The following COL8A2 variants were observed in gnomAD, a reference collection of about 807,000 sequenced individuals.
COL8A2 encodes the protein collagen type VIII alpha 2 chain, also known as collagen alpha-2(VIII) chain.
Under a neutral mutation model 24.0 loss-of-function variants are expected in COL8A2, and 16 were observed. The observed-to-expected ratio is 0.67, with a 90% confidence interval of 0.45 to 1.01. COL8A2 has a LOEUF of 1.01. Among genes scored for constraint, COL8A2 ranks in the 50% least tolerant of loss-of-function variants. The pLI is 0.00. For missense variants in COL8A2, 818 were observed against 942.4 expected (o/e 0.87, Z 1.73); for synonymous variants, 466 against 424.5 (o/e 1.10, Z -1.20).
intron 1 of COL8A2, among the ~76,000 whole-genome samples, chr1:36,116,520 G>T (rs1643880501): frequency 1.3e-5 from 2 of 152,236 alleles, no homozygotes; most frequent in Non-Finnish European, 2.9e-5. Context: ...CCCATACCCT[G>T]CCCTGCCTTG....
rs1025147245 is a variant in COL8A2, at chr1:36,095,411, G to A, written c.*2158C>T. 6.6e-5 allele frequency: 10 copies of A among 152,036 alleles called. No homozygotes were observed. Among genetic ancestry groups the A allele is most frequent in the African/African-American group, 2.4e-4 (10 of 41,378 alleles). The allele number at this position is 152,036 out of a possible 1,614,324, so 9.4% of individuals were successfully genotyped here. ...GAGCTAAGCTTCCTATACCAAGTTAGAAGTGAAATGACTAGTGGAAAACAT... is the reference window on the plus strand; with the variant it reads ...GAGCTAAGCTTCCTATACCAAGTTAAAAGTGAAATGACTAGTGGAAAACAT... On this transcript the variant is annotated 3_prime_UTR_variant, in exon 4 of 4. Transcript: ENST00000397799.
chr1:36,098,952 C>A lies in COL8A2; in HGVS notation c.729G>T (p.Gly243=). ...PAGLGKPGLD[G]LPGAPGDKGE... ...CCTTGTCTCCTGGGGCCCCAGGAAG[C>A]CCATCCAAACCAGGTTTGCCTAAGC... Residue 243 remains glycine, a synonymous_variant, in exon 4 of 4, where the codon GGG becomes GGT. Transcript: ENST00000397799. 1 of 1,609,868 alleles carries A rather than the reference C, an allele frequency of 6.2e-7. No homozygotes were observed.
chr1:36,102,679 T>TTG (rs1643696754), intron 2 of COL8A2, among the ~76,000 whole-genome samples: 1 of 138,546 alleles, frequency 7.2e-6, no homozygotes, highest in African/African-American at 2.7e-5. Context: ...TTGTTTTTTT[T>TTG]TTTTTTTTTT....
rs749662705 is a variant in COL8A2, at chr1:36,098,605, G to A, written c.1076C>T (p.Pro359Leu). 6.2e-7 allele frequency: 1 copy of A among 1,611,104 alleles called. No individual in the cohort carries two copies. Among genetic ancestry groups the A allele is most frequent in the Admixed American group, 1.7e-5 (1 of 59,938 alleles). Residue 359 changes from proline to leucine, a missense_variant, in exon 4 of 4, where the codon CCC becomes CTC. Physicochemically the swap from Pro to Leu is moderately conservative, Grantham distance 98 (BLOSUM62 -3). Transcript: ENST00000397799. ...CCCTGCAGACCCAGGAAGTCCAGGG[G>A]GACCCCCAAGACCCTGTGGGCCCTG... ...GEQGPQGLGG[P>L]PGLPGSAGLP...
rs201487516 is a variant in COL8A2, at chr1:36,102,664, G to GTTTTTTTTTTTT, written c.-16-2407_-16-2406insAAAAAAAAAAAA. 3.2e-5 allele frequency among the ~76,000 whole-genome samples: 3 copies of GTTTTTTTTTTTT among 94,788 alleles called. 1 individual carries two copies. Among genetic ancestry groups the GTTTTTTTTTTTT allele is most frequent in the Non-Finnish European group, 5.9e-5 (3 of 50,706 alleles). The allele number at this position is 94,788 out of a possible 152,430, so 62.2% of individuals were successfully genotyped here. A position where few individuals can be genotyped will look rare whatever the true frequency, so the allele number is the denominator to read the frequency against. ...TGTGTGAATTATATCTATAAAGCTG[G>GTTTTTTTTTTTT]TTTTTTGTTTTTTTTTTTTTTTTTT... On this transcript the variant is annotated intron_variant, in intron 2 of 3. Coordinates refer to ENST00000397799, the MANE Select transcript of COL8A2 (RefSeq NM_005202.4).
intron 3 of COL8A2, among the ~76,000 whole-genome samples, 167 bp downstream of exon 3, chr1:36,099,883 C>T (rs1643648390): frequency 6.6e-6 from 1 of 152,222 alleles, no homozygotes; most frequent in Non-Finnish European, 1.5e-5. Flanking sequence ...CAGCTAACTG[C>T]ACCGTTTCCA....
rs143885948 is a variant in COL8A2, at chr1:36,106,131, C to T, written c.-16-5873G>A. ...ACTAAAAATACAAAAATAAGCCAGG[C>T]ATGGTGGCTGTGATTCCAGCTACTC... is the stretch of plus-strand genomic sequence containing the variant. On this transcript the variant is annotated intron_variant, in intron 2 of 3. Transcript: ENST00000397799. Among the ~76,000 whole-genome samples the T allele has an allele frequency of 5.6e-3, 844 of 151,878 alleles. 5 individuals carry two copies. The highest frequency in any genetic ancestry group is 0.019 in the African/African-American group (797 of 41,406).
In COL8A2 at chr1:36,125,079, C is replaced by A. The variant is rs950367821; in HGVS notation, c.-84G>T. The A allele has an allele frequency of 1.7e-5, 17 of 980,116 alleles. No homozygotes were observed. The Middle Eastern group carries it at 1.6e-3, about 91-fold the overall frequency. 60.7% of individuals were successfully genotyped at this position (980,116 alleles called of 1,614,324 possible). A position where few individuals can be genotyped will look rare whatever the true frequency, so the allele number is the denominator to read the frequency against. The stretch of plus-strand genomic sequence containing the variant: ...TACCTGCGGGCGCGGCCGCCGGGCG[C>A]CGCTCCCGGCCCTCGAGGGCGGCCC... On this transcript the variant is annotated 5_prime_UTR_variant, in exon 1 of 4. Transcript: ENST00000397799. This position sits in a 1 kb window ranked among gnomAD's most constrained non-coding sequence, Gnocchi z 4.5.
In COL8A2 at chr1:36,116,000, G is replaced by GA. The variant is rs1347176376; in HGVS notation, c.-61-249dup. On this transcript the variant is annotated intron_variant, in intron 1 of 3. Transcript: ENST00000397799. The surrounding 1 kb of genome is among the most constrained non-coding windows in gnomAD (Gnocchi z 5.7). ...GTATTGCTTGAGCCCAGGAGTTCAA[G>GA]ACTGCAGTAAGCTATGATTGCACCA... Among the ~76,000 whole-genome samples, 1 of 151,340 alleles carries GA rather than the reference G, an allele frequency of 6.6e-6. No individual in the cohort carries two copies. The highest frequency in any genetic ancestry group is 2.4e-5 in the African/African-American group (1 of 41,080).
chr1:36,099,041 C>G lies in COL8A2; in HGVS notation c.640G>C (p.Gly214Arg). 6.5e-7 allele frequency: 1 copy of G among 1,537,370 alleles called. No homozygotes were observed. The highest frequency in any genetic ancestry group is 8.7e-7 in the Non-Finnish European group (1 of 1,144,384). ...LKGDNGVGQP[G>R]LPGAPGQGGA... The stretch of plus-strand genomic sequence containing the variant: ...CCCTGCCCTGGGGCCCCAGGCAGCC[C>G]GGGCTGGCCCACTCCATTATCCCCC... Residue 214 changes from glycine to arginine, a missense_variant, in exon 4 of 4, where the codon GGG becomes CGG. Transcript: ENST00000397799.
intron 1 of COL8A2, among the ~76,000 whole-genome samples, chr1:36,124,077 C>T (rs1397450870): frequency 6.6e-6 from 1 of 152,134 alleles, no homozygotes; most frequent in Non-Finnish European, 1.5e-5. Context: ...GGGAGGCTGT[C>T]CTTGCCAAGG....
intron 2 of COL8A2, among the ~76,000 whole-genome samples, chr1:36,114,139 A>G (rs1643867998): frequency 7.4e-6 from 1 of 135,744 alleles, no homozygotes; most frequent in South Asian, 2.6e-4. Context: ...TAACATGGTG[A>G]AACCCCATCT....
In COL8A2 at chr1:36,098,109, G is replaced by T. The variant is rs756931119; in HGVS notation, c.1572C>A (p.Pro524=). Residue 524 remains proline, a synonymous_variant, in exon 4 of 4, where the codon CCC becomes CCA. Coordinates refer to ENST00000397799, the MANE Select transcript of COL8A2 (RefSeq NM_005202.4). ...GGGCACCAGGGGGTCCCGGGGGCCC[G>T]GGAGGCCCCGGAGGGCCCGTGATTC... The part of the protein sequence containing the change: ...SPGITGPPGP[P]GPPGPPGAPG... 2.6e-6 allele frequency: 4 copies of T among 1,511,682 alleles called. No homozygotes were observed. Among genetic ancestry groups the T allele is most frequent in the East Asian group, 4.6e-5 (2 of 43,276 alleles). 93.6% of individuals were successfully genotyped at this position (1,511,682 alleles called of 1,614,324 possible).
intron 2 of COL8A2, among the ~76,000 whole-genome samples, chr1:36,104,091 G>T (rs1351815834): frequency 6.6e-6 from 1 of 152,000 alleles, no homozygotes; most frequent in South Asian, 2.1e-4. Flanking sequence ...CTACTTGGGG[G>T]GCTGCGGCAG....
chr1:36,099,227 G>T lies in COL8A2; in HGVS notation c.454C>A (p.Gln152Lys). 1 of 1,545,116 alleles carries T rather than the reference G, an allele frequency of 6.5e-7. No individual in the cohort carries two copies. The highest frequency in any genetic ancestry group is 2.4e-5 in the East Asian group (1 of 40,854). Reference protein sequence around the residue: ...LRGEPGIRGDQGLRGPPGPPG... With the variant: ...LRGEPGIRGDKGLRGPPGPPG... The stretch of plus-strand genomic sequence containing the variant: ...GGTCCTGGGGGTCCCCGGAGGCCCT[G>T]GTCCCCTCGTATTCCTGGCTCCCCC... Residue 152 changes from glutamine (Q) to lysine (K), a missense_variant, in exon 4 of 4, where the codon CAG (glutamine) becomes AAG (lysine). Coordinates refer to ENST00000397799, the MANE Select transcript of COL8A2 (RefSeq NM_005202.4).
intron 1 of COL8A2, among the ~76,000 whole-genome samples, chr1:36,124,846 G>C (rs1570066755): frequency 6.6e-6 from 1 of 152,196 alleles, no homozygotes; most frequent in Non-Finnish European, 1.5e-5. Context: ...GGCTTTACTG[G>C]GATCCTGCCG....
intron 1 of COL8A2, 85 bp downstream of exon 1, chr1:36,124,972 C>T (rs997740547): frequency 1.4e-5 from 7 of 492,564 alleles, no homozygotes; most frequent in East Asian, 1.5e-4. Flanking sequence ...CCTGCTATCC[C>T]GCATGGTGTT....
chr1:36,114,875 G>A (rs1464538537), intron 2 of COL8A2, among the ~76,000 whole-genome samples: 3 of 34,902 alleles, frequency 8.6e-5, no homozygotes, highest in Admixed American at 4.0e-4. Context: ...GGCTGGAGGG[G>A]GCTTGGACCG....
In COL8A2 at chr1:36,097,869, G is replaced by C; in HGVS notation, c.1812C>G (p.Gly604=). The change falls in exon 4 of 4, where the codon GGC becomes GGG. Residue 604 remains glycine (G), a synonymous_variant. Coordinates refer to ENST00000397799, the MANE Select transcript of COL8A2 (RefSeq NM_005202.4). ...TGAAGATGCCAGTGGCTGGGTTGTA[G>C]CCGCTGTGGCCATTGTAGAGAGTCC... ...FDRTLYNGHS[G]YNPATGIFTC... 4 of 1,612,666 alleles carry C rather than the reference G, an allele frequency of 2.5e-6. No homozygotes were observed. The highest frequency in any genetic ancestry group is 3.4e-6 in the Non-Finnish European group (4 of 1,180,010).
Sources: allele counts gnomAD v4.1 joint callset (sites outside exome capture counted in the v4.1 genomes callset), GRCh38; gene constraint gnomAD v4.1.1; non-coding constraint Gnocchi (gnomAD v3.1); transcripts MANE v1.5; gene names NCBI Gene and HGNC (gene_info 2026-07-23, HGNC 2026-07-21).